MAMDC2: variants seen among roughly 807,000 people sequenced by gnomAD.
The protein encoded by MAMDC2 is MAM domain containing 2.
Under a neutral mutation model 89.8 loss-of-function variants are expected in MAMDC2, and 57 were observed. That is an observed-to-expected ratio of 0.63 (90% CI 0.51 to 0.79). The LOEUF is 0.79. Ranked by LOEUF, MAMDC2 falls within the 30% of genes least tolerant of loss-of-function variation. The pLI, the probability that MAMDC2 is intolerant of heterozygous loss-of-function variation, is 0.00. For synonymous variants in MAMDC2, 313 were observed against 293.4 expected, an observed-to-expected ratio of 1.07 and a Z score of -0.68; for missense variants, 800 against 820.6, an observed-to-expected ratio of 0.97 and a Z score of 0.31.
chr9:70,125,761 G>A lies in MAMDC2; in HGVS notation c.644-398G>A, dbSNP rs184479253. 1.3e-3 allele frequency among the ~76,000 whole-genome samples: 195 copies of A among 152,318 alleles called. 1 individual carries two copies. The highest frequency in any genetic ancestry group is 4.5e-3 in the African/African-American group (187 of 41,566). On this transcript the variant is annotated intron_variant, in intron 5 of 13. Coordinates refer to ENST00000377182, the MANE Select transcript of MAMDC2 (RefSeq NM_153267.5). Reference sequence around the variant, plus strand: ...GCTTTGTCTTTGTGTGCTCTTCAGAGTCTTATGACTCAAATAAGGATTGGG... The same window carrying A: ...GCTTTGTCTTTGTGTGCTCTTCAGAATCTTATGACTCAAATAAGGATTGGG...
chr9:70,220,314 A>G (rs2033532607), intron 12 of MAMDC2, among the ~76,000 whole-genome samples: 2 of 152,138 alleles, frequency 1.3e-5, no homozygotes, highest in South Asian at 4.1e-4. Context: ...TGGCATCTGA[A>G]ATGGCATTTA....
At chr9:70,217,722 G>A in intron 11 of MAMDC2, 1 of 1,324,402 alleles carries the variant, frequency 7.6e-7, no homozygotes, top group South Asian at 1.3e-5. Flanking sequence ...AAAAATTACA[G>A]AGTATGTTTT....
intron 2 of MAMDC2, among the ~76,000 whole-genome samples, chr9:70,060,113 A>T (rs1304613171): frequency 6.6e-6 from 1 of 152,090 alleles, no homozygotes; most frequent in Non-Finnish European, 1.5e-5. Context: ...GGATTTAATT[A>T]TTTGTTCATT....
intron 7 of MAMDC2, among the ~76,000 whole-genome samples, chr9:70,133,220 T>A (rs533702649): frequency 1.3e-5 from 2 of 152,312 alleles, no homozygotes; most frequent in South Asian, 4.1e-4. Flanking sequence ...GAGGTGTTTA[T>A]CTAATATCTG....
At chr9:70,135,351 C>T (rs766203727) in intron 7 of MAMDC2, among the ~76,000 whole-genome samples, 3 of 152,156 alleles carry the variant, frequency 2.0e-5, no homozygotes, top group Admixed American at 6.5e-5. Context: ...TGAAGCAAAG[C>T]CTCTGCACCC....
At position 70,108,273 on chromosome 9, in the gene MAMDC2, C is replaced by A; in HGVS notation, c.211C>A (p.Pro71Thr). Residue 71 changes from proline to threonine, a missense_variant, in exon 3 of 14, where the codon CCT (proline) becomes ACT (threonine). Pro to Thr is a conservative substitution (Grantham distance 38). Coordinates refer to ENST00000377182, the MANE Select transcript of MAMDC2 (RefSeq NM_153267.5). ...GGGGGAGAAAGCTGTGCTGCTAAGT[C>A]CTGACTTACAGGCTGAGGAATGGAG... ...KQGEKAVLLS[P>T]DLQAEEWSCL... 6.2e-7 allele frequency: 1 copy of A among 1,613,892 alleles called. No individual in the cohort carries two copies. The highest frequency in any genetic ancestry group is 8.5e-7 in the Non-Finnish European group (1 of 1,179,900).
intron 2 of MAMDC2, among the ~76,000 whole-genome samples, chr9:70,052,041 G>C (rs574272818): frequency 6.6e-6 from 1 of 152,156 alleles, no homozygotes; most frequent in African/African-American, 2.4e-5. Flanking sequence ...TACTCCAAGA[G>C]GTTCTGATTT....
chr9:70,150,238 G>C (rs1244171010), intron 9 of MAMDC2, among the ~76,000 whole-genome samples: 1 of 152,180 alleles, frequency 6.6e-6, no homozygotes, highest in Admixed American at 6.5e-5. Context: ...TTGCCATTGA[G>C]AAAGGAGTTT....
Position 70,077,220 on chromosome 9 carries a change from A to G in MAMDC2, c.149-30991A>G, listed in dbSNP as rs530109532. On this transcript the variant is annotated intron_variant, in intron 2 of 13. Coordinates refer to ENST00000377182, the MANE Select transcript of MAMDC2 (RefSeq NM_153267.5). ...TTTTTGTAAGACTGAAAAAGTATAA[A>G]TTGATCACGTCAAAGAATGAAGGAG... Among the ~76,000 whole-genome samples the G allele has an allele frequency of 4.6e-5, 7 of 152,340 alleles. No homozygotes were observed. The East Asian group carries it at 1.4e-3, about 29-fold the overall frequency.
chr9:70,203,047 C>T (rs928017151), intron 11 of MAMDC2, among the ~76,000 whole-genome samples: 15 of 152,150 alleles, frequency 9.9e-5, no homozygotes, highest in Admixed American at 9.2e-4. Context: ...AGCATTTAGC[C>T]CATTTATATT....
chr9:70,052,005 A>AT (rs925731845), intron 2 of MAMDC2, among the ~76,000 whole-genome samples: 1 of 151,944 alleles, frequency 6.6e-6, no homozygotes, highest in Non-Finnish European at 1.5e-5. Flanking sequence ...GTAAAAAAAA[A>AT]TTTTTTTAAA....
intron 2 of MAMDC2, among the ~76,000 whole-genome samples, chr9:70,065,471 A>C (rs1827243516): frequency 6.6e-6 from 1 of 152,066 alleles, no homozygotes; most frequent in African/African-American, 2.4e-5. Context: ...TGCCTAAAGC[A>C]CATTTCTATT....
intron 9 of MAMDC2, among the ~76,000 whole-genome samples, chr9:70,146,013 C>A (rs142488646): frequency 6.6e-6 from 1 of 152,124 alleles, no homozygotes; most frequent in East Asian, 1.9e-4. Context: ...AGTGTTTAGA[C>A]GGTTAAAATT....
intron 9 of MAMDC2, among the ~76,000 whole-genome samples, chr9:70,156,576 A>G (rs899866714): frequency 6.6e-6 from 1 of 152,236 alleles, no homozygotes; most frequent in Non-Finnish European, 1.5e-5. Context: ...CAAAGTAGAA[A>G]TAGAAAGGTC....
chr9:70,165,382 C>G (rs891021363), intron 9 of MAMDC2, among the ~76,000 whole-genome samples: 1 of 152,158 alleles, frequency 6.6e-6, no homozygotes, highest in Non-Finnish European at 1.5e-5. Flanking sequence ...GGCAGAAAAT[C>G]CAGTGTGTTA....
intron 2 of MAMDC2, among the ~76,000 whole-genome samples, chr9:70,087,880 G>T (rs1239285826): frequency 1.3e-5 from 2 of 152,146 alleles, no homozygotes; most frequent in African/African-American, 4.8e-5. Flanking sequence ...TGCTACTTCT[G>T]TAGGTCCCCA....
chr9:70,130,242 C>T (rs1372851006), intron 6 of MAMDC2, among the ~76,000 whole-genome samples: 2 of 152,038 alleles, frequency 1.3e-5, no homozygotes, highest in African/African-American at 4.8e-5. Context: ...CAGGGGGACG[C>T]AGGTCAACCC....
intron 2 of MAMDC2, among the ~76,000 whole-genome samples, chr9:70,059,518 G>A (rs780432957): frequency 4.6e-5 from 7 of 151,890 alleles, no homozygotes; most frequent in Non-Finnish European, 7.4e-5. Context: ...GCTGGCTCTT[G>A]GTTCTTTATG....
intron 4 of MAMDC2, among the ~76,000 whole-genome samples, chr9:70,110,827 G>A (rs549217042): frequency 2.6e-5 from 4 of 152,232 alleles, no homozygotes; most frequent in African/African-American, 9.6e-5. Context: ...CATAATGAGG[G>A]TAATACTGAA....
Sources: allele counts gnomAD v4.1 joint callset (sites outside exome capture counted in the v4.1 genomes callset), GRCh38; gene constraint gnomAD v4.1.1; transcripts MANE v1.5; gene names NCBI Gene and HGNC (gene_info 2026-07-23, HGNC 2026-07-21).